Variants in NSL1 observed in about 807,000 individuals in gnomAD.
The protein encoded by NSL1 is NSL1 component of MIS12 kinetochore complex, also known as kinetochore-associated protein NSL1 homolog.
Under a neutral mutation model 25.4 loss-of-function variants are expected in NSL1, and 11 were observed. The observed-to-expected ratio is 0.43, with a 90% CI of 0.27 to 0.72. The LOEUF (loss-of-function observed/expected upper bound fraction) is 0.72, where lower values mean the gene tolerates loss of function less well. Ranked by LOEUF, NSL1 falls within the 30% of genes least tolerant of loss-of-function variation. The probability of loss-of-function intolerance (pLI) is 0.19; values close to 1 mark genes in which losing one functional copy is unlikely to be tolerated. For missense variants in NSL1, 330 were observed against 342.7 expected, an observed-to-expected ratio of 0.96 and a Z score of 0.29; for synonymous variants, 118 against 120.6, an observed-to-expected ratio of 0.98 and a Z score of 0.14.
At position 212,726,931 on chromosome 1, in the gene NSL1, C is replaced by T. The variant is rs1008990543; in HGVS notation, c.*11477G>A. On this transcript the variant is annotated 3_prime_UTR_variant, in exon 6 of 6. Coordinates refer to ENST00000366977, the MANE Select transcript of NSL1 (RefSeq NM_015471.4). ...GGACACCAGCACAGCACGGACTTTC[C>T]CGTCCTGTCTCTTCATGGTGGGTGA... 4.2e-6 allele frequency: 2 copies of T among 480,638 alleles called. No homozygotes were observed. The highest frequency in any genetic ancestry group is 7.2e-6 in the Non-Finnish European group (2 of 278,534). The allele number at this position is 480,638 out of a possible 1,614,324, so 29.8% of individuals were successfully genotyped here.
intron 1 of NSL1, among the ~76,000 whole-genome samples, chr1:212,789,075 TTA>T (rs1251719957): frequency 6.6e-6 from 1 of 152,208 alleles, no homozygotes; most frequent in East Asian, 1.9e-4. Flanking sequence ...TTGAATTTTT[TTA>T]TGAGCATATA....
chr1:212,738,424 A>ATTTT lies in NSL1; in HGVS notation c.826_829dup (p.Ile277LysfsTer3). 6.2e-7 allele frequency: 1 copy of ATTTT among 1,611,252 alleles called. No homozygotes were observed. Among genetic ancestry groups the ATTTT allele is most frequent in the Admixed American group, 1.7e-5 (1 of 59,422 alleles). On this transcript the variant is annotated frameshift_variant, in exon 6 of 6. Coordinates refer to ENST00000366977, the MANE Select transcript of NSL1 (RefSeq NM_015471.4). LOFTEE classifies it high-confidence loss of function. ...AGAAAGAGCTCATGTATCAAGATTA[A>ATTTT]TTTTCTTTGGCCGCAATGGATACCA...
intron 4 of NSL1, chr1:212,764,115 C>A: frequency 3.3e-6 from 1 of 299,196 alleles, no homozygotes; most frequent in Non-Finnish European, 6.7e-6. Context: ...TGGAAATCAA[C>A]TATAAAAGGA....
intron 4 of NSL1, among the ~76,000 whole-genome samples, chr1:212,741,880 T>C (rs1242857163): frequency 2.0e-5 from 3 of 152,182 alleles, no homozygotes; most frequent in Non-Finnish European, 4.4e-5. Context: ...GGTAGTCTCA[T>C]GTTTCCATGA....
chr1:212,791,472 G>C, intron 1 of NSL1, 58 bp downstream of exon 1: 2 of 1,474,812 alleles, frequency 1.4e-6, no homozygotes, highest in South Asian at 1.2e-5. Flanking sequence ...TGAATCCTAA[G>C]ATCCTGGGTG....
In NSL1 at chr1:212,731,325, G is replaced by A; in HGVS notation, c.*7083C>T. Reference sequence around the variant, plus strand: ...AATCCCAGCACTTTGGGAAGCTGAGGCAGGAGGATGGCTTGAGCCCAGGAA... The same window carrying A: ...AATCCCAGCACTTTGGGAAGCTGAGACAGGAGGATGGCTTGAGCCCAGGAA... On this transcript the variant is annotated 3_prime_UTR_variant, in exon 6 of 6. Transcript: ENST00000366977. The A allele has an allele frequency of 1.0e-6, 1 of 981,604 alleles. No homozygotes were observed. The highest frequency in any genetic ancestry group is 1.7e-5 in the African/African-American group (1 of 57,238). 60.8% of individuals were successfully genotyped at this position (981,604 alleles called of 1,614,324 possible). A position where few individuals can be genotyped will look rare whatever the true frequency, so the allele number is the denominator to read the frequency against.
At chr1:212,768,241 A>C (rs1571899508) in intron 4 of NSL1, among the ~76,000 whole-genome samples, 1 of 142,862 alleles carries the variant, frequency 7.0e-6, no homozygotes, top group Admixed American at 7.6e-5. Context: ...AATGGCGTGC[A>C]CCTGGGAGGC....
At chr1:212,774,855 T>G (rs1256590203) in intron 4 of NSL1, among the ~76,000 whole-genome samples, 4 of 152,178 alleles carry the variant, frequency 2.6e-5, no homozygotes, top group Non-Finnish European at 5.9e-5. Context: ...TGGAAACATA[T>G]CCGTACAGGA....
chr1:212,744,127 A>C (rs920168550), intron 4 of NSL1, among the ~76,000 whole-genome samples: 1 of 152,208 alleles, frequency 6.6e-6, no homozygotes, highest in Admixed American at 6.5e-5. Context: ...GAAAAGCTCC[A>C]AACAAGCAGG....
At chr1:212,790,844 ACC>A (rs1401343118) in intron 1 of NSL1, among the ~76,000 whole-genome samples, 1 of 151,832 alleles carries the variant, frequency 6.6e-6, no homozygotes, top group East Asian at 1.9e-4. Context: ...AATGGCGTGA[ACC>A]CAGGAGGCGG....
In NSL1 at chr1:212,726,741, A is replaced by G. The variant is rs572368174; in HGVS notation, c.*11667T>C. ...GAGCCACTCTGCAGTCCTCAAATGC[A>G]GAGTGATTGGGTCACTCTCCATGGT... On this transcript the variant is annotated 3_prime_UTR_variant, in exon 6 of 6. Transcript: ENST00000366977. The G allele has an allele frequency of 1.5e-4, 26 of 172,820 alleles. No homozygotes were observed. The highest frequency in any genetic ancestry group is 5.4e-4 in the African/African-American group (23 of 42,386). The allele number at this position is 172,820 out of a possible 1,614,324, so 10.7% of individuals were successfully genotyped here.
Position 212,745,983 on chromosome 1 carries a change from C to CAAACA in NSL1, c.500-6387_500-6383dup, listed in dbSNP as rs1224100430. Reference sequence around the variant, plus strand: ...CCCATCTCAAAAACAAACAAACAAACAAACAAAACAAAACAACTTGAAGGA... The same window carrying CAAACA: ...CCCATCTCAAAAACAAACAAACAAACAAACAAAACAAAACAAAACAACTTGAAGGA... On this transcript the variant is annotated intron_variant, in intron 4 of 5. Coordinates refer to ENST00000366977, the MANE Select transcript of NSL1 (RefSeq NM_015471.4). Among the ~76,000 whole-genome samples, 347 of 152,136 alleles carry CAAACA rather than the reference C, an allele frequency of 2.3e-3. 3 individuals are homozygous for CAAACA. The highest frequency in any genetic ancestry group is 2.9e-3 in the African/African-American group (122 of 41,528).
chr1:212,772,616 G>C (rs934347655), intron 4 of NSL1, among the ~76,000 whole-genome samples: 1 of 152,160 alleles, frequency 6.6e-6, no homozygotes, highest in African/African-American at 2.4e-5. Context: ...GGCCAAGGTT[G>C]CAGTGAGCTG....
At chr1:212,774,858 G>A (rs900343366) in intron 4 of NSL1, among the ~76,000 whole-genome samples, 9 of 152,190 alleles carry the variant, frequency 5.9e-5, no homozygotes, top group Non-Finnish European at 8.8e-5. Context: ...AAACATATCC[G>A]TACAGGAACT....
In NSL1 at chr1:212,791,680, G is replaced by A; in HGVS notation, c.84C>T (p.Val28=). ...GAAAGTCTTCTCGGGGAGTGGCGGA[G>A]ACCAAGGCCTGGCTCTCTGTGCCAG... is the stretch of plus-strand genomic sequence containing the variant. ...LAAGTESQAL[V]SATPREDFRV... is the part of the protein sequence containing the mutation. Residue 28 remains valine, a synonymous_variant, in exon 1 of 6, where the codon GTC becomes GTT. Transcript: ENST00000366977. 6.2e-7 allele frequency: 1 copy of A among 1,613,892 alleles called. No individual in the cohort carries two copies.
intron 1 of NSL1, among the ~76,000 whole-genome samples, chr1:212,787,888 A>T (rs1447929930): frequency 6.6e-6 from 1 of 152,190 alleles, no homozygotes; most frequent in East Asian, 1.9e-4. Flanking sequence ...CTTATAAACA[A>T]ACAAAAAAAA....
intron 4 of NSL1, among the ~76,000 whole-genome samples, chr1:212,775,553 G>A (rs1660319842): frequency 6.6e-6 from 1 of 151,610 alleles, no homozygotes; most frequent in South Asian, 2.1e-4. Flanking sequence ...CTTGAGGCCA[G>A]GAGTTAGAGA....
At chr1:212,740,739 C>T (rs1234767399) in intron 4 of NSL1, among the ~76,000 whole-genome samples, 1 of 152,060 alleles carries the variant, frequency 6.6e-6, no homozygotes, top group African/African-American at 2.4e-5. Context: ...ATTTTAATCA[C>T]TATACATTAG....
Position 212,766,137 on chromosome 1 carries a change from A to G in NSL1, c.499+16235T>C, listed in dbSNP as rs1159652522. The G allele has an allele frequency of 8.8e-6, 4 of 456,792 alleles. No individual in the cohort carries two copies. The East Asian group carries it at 1.1e-4, about 13-fold the overall frequency. The allele number at this position is 456,792 out of a possible 1,614,324, so 28.3% of individuals were successfully genotyped here. ...GGCGACAGAGCGAGACTCCATCTCAAAAAAAAAAAAACAAAAAAACCCTCA... is the reference window on the plus strand; with the variant it reads ...GGCGACAGAGCGAGACTCCATCTCAGAAAAAAAAAAACAAAAAAACCCTCA... On this transcript the variant is annotated intron_variant, in intron 4 of 5. Coordinates refer to ENST00000366977, the MANE Select transcript of NSL1 (RefSeq NM_015471.4).
Sources: allele counts gnomAD v4.1 joint callset (sites outside exome capture counted in the v4.1 genomes callset), GRCh38; gene constraint gnomAD v4.1.1; transcripts MANE v1.5; gene names NCBI Gene and HGNC (gene_info 2026-07-23, HGNC 2026-07-21).